The following RTF1 variants were observed in gnomAD, a reference collection of about 807,000 sequenced individuals.
RTF1 encodes the protein RNA polymerase-associated protein RTF1 homolog.
In RTF1, 10 loss-of-function variants were observed where a neutral mutation model predicts 95.7. That is an observed-to-expected ratio of 0.10 (90% CI 0.06 to 0.18). The LOEUF is 0.18. Ranked by LOEUF, RTF1 falls within the 10% of genes least tolerant of loss-of-function variation. The pLI, the probability that RTF1 is intolerant of heterozygous loss-of-function variation, is 1.00. For synonymous variants in RTF1, 305 were observed against 311.8 expected, an observed-to-expected ratio of 0.98 and a Z score of 0.23; for missense variants, 458 against 875.6, an observed-to-expected ratio of 0.52 and a Z score of 6.02.
chr15:41,475,626 G>T lies in RTF1; in HGVS notation c.1374+14G>T, dbSNP rs1566849742. ...TGGAAAGAAGCGGTACGTGGCTAGA[G>T]ATTACCTAGCAGTTGTTCGTGCACG... On this transcript the variant is annotated intron_variant, in intron 10 of 17. Coordinates refer to ENST00000389629, the MANE Select transcript of RTF1 (RefSeq NM_015138.5). The T allele has an allele frequency of 6.2e-7, 1 of 1,607,308 alleles. No homozygotes were observed. The highest frequency in any genetic ancestry group is 1.7e-5 in the Admixed American group (1 of 60,004).
In RTF1 at chr15:41,446,434, C is replaced by T. The variant is rs535851453; in HGVS notation, c.310-6467C>T. ...ACAAAAAATTAGCCAGGCGTGGTGGCGCACGCCTGTAGTCCCAGCTACTCA... is the reference window on the plus strand; with the variant it reads ...ACAAAAAATTAGCCAGGCGTGGTGGTGCACGCCTGTAGTCCCAGCTACTCA... On this transcript the variant is annotated intron_variant, in intron 2 of 17. Coordinates refer to ENST00000389629, the MANE Select transcript of RTF1 (RefSeq NM_015138.5). Among the ~76,000 whole-genome samples the T allele has an allele frequency of 9.2e-5, 14 of 152,064 alleles. No homozygotes were observed. The South Asian group carries it at 2.5e-3, about 27-fold the overall frequency.
intron 14 of RTF1, 128 bp from the exon 15 acceptor site, chr15:41,478,420 A>G: frequency 1.3e-6 from 1 of 749,222 alleles, no homozygotes. Context: ...TAAAAAAAAA[A>G]AAAAAGGAAA....
intron 2 of RTF1, among the ~76,000 whole-genome samples, chr15:41,449,227 A>ATTTTTTTTTTTTTTTTTTTTTTTTTTTTT (rs34660598): frequency 9.1e-6 from 1 of 109,314 alleles, no homozygotes. Flanking sequence ...AGGCAGGTGA[A>ATTTTTTTTTTTTTTTTTTTTTTTTTTTTT]TTTTTTTTTT....
rs187350937 is a variant in RTF1, at chr15:41,434,874, G to A, written c.199-3447G>A. Among the ~76,000 whole-genome samples the A allele has an allele frequency of 4.1e-3, 618 of 151,808 alleles. 6 individuals are homozygous for A. The highest frequency in any genetic ancestry group is 0.014 in the African/African-American group (594 of 41,434). On this transcript the variant is annotated intron_variant, in intron 1 of 17. Transcript: ENST00000389629. ...GAACTCCTGACCTCGTGATCTGCCC[G>A]CCTTGGCCTCCCAAAGTTCTGGGAT...
At chr15:41,421,557 G>A (rs980634762) in intron 1 of RTF1, among the ~76,000 whole-genome samples, 1 of 151,428 alleles carries the variant, frequency 6.6e-6, no homozygotes, top group African/African-American at 2.4e-5. Flanking sequence ...CTTGAGCCTG[G>A]GAGGTTGAAG....
In RTF1 at chr15:41,482,030, A is replaced by G. The variant is rs1418353023; in HGVS notation, c.*1343A>G. ...GGGAGGCGGAGGTTGTGGTGAGCCA[A>G]GATCGTGCCACTGCACTCCAGTCTG... On this transcript the variant is annotated 3_prime_UTR_variant, in exon 18 of 18. Coordinates refer to ENST00000389629, the MANE Select transcript of RTF1 (RefSeq NM_015138.5). The G allele has an allele frequency of 6.6e-6, 1 of 152,262 alleles. No individual in the cohort carries two copies. Among genetic ancestry groups the G allele is most frequent in the Non-Finnish European group, 1.5e-5 (1 of 68,076 alleles). 9.4% of individuals were successfully genotyped at this position (152,262 alleles called of 1,614,324 possible).
chr15:41,439,031 A>C (rs910600513), intron 2 of RTF1, among the ~76,000 whole-genome samples: 58 of 65,286 alleles, frequency 8.9e-4, no homozygotes, highest in Admixed American at 6.7e-3. Context: ...TTTTTCTTTT[A>C]TTTTCTTTTT....
intron 2 of RTF1, among the ~76,000 whole-genome samples, chr15:41,446,093 G>T (rs1437528210): frequency 2.6e-5 from 4 of 152,002 alleles, no homozygotes. Context: ...CAGGAACCGT[G>T]CCCTCTCAAA....
intron 1 of RTF1, among the ~76,000 whole-genome samples, chr15:41,422,786 T>C (rs1289817718): frequency 6.6e-6 from 1 of 152,116 alleles, no homozygotes; most frequent in African/African-American, 2.4e-5. Context: ...TTCTTTTTTC[T>C]TTTTTTTGAG....
intron 1 of RTF1, among the ~76,000 whole-genome samples, chr15:41,418,280 A>G (rs1332785347): frequency 6.6e-6 from 1 of 152,240 alleles, no homozygotes; most frequent in Non-Finnish European, 1.5e-5. Context: ...TTGAGTAGAA[A>G]GAGTATTGAA....
intron 17 of RTF1, 99 bp downstream of exon 17, chr15:41,480,424 T>TG (rs2050966198): frequency 9.9e-7 from 1 of 1,013,704 alleles, no homozygotes; most frequent in Non-Finnish European, 1.6e-6. Context: ...GAAAGGGGAA[T>TG]GCTGGCTCAT....
Position 41,426,933 on chromosome 15 carries a change from C to G in RTF1, c.198+9620C>G, listed in dbSNP as rs375828438. Among the ~76,000 whole-genome samples, 3 of 148,856 alleles carry G rather than the reference C, an allele frequency of 2.0e-5. No homozygotes were observed. In the East Asian group the frequency reaches 5.9e-4, roughly 29 times the overall value. The stretch of plus-strand genomic sequence containing the variant: ...CTCGGCTCACTGCAACCTCCACCTC[C>G]CAGGTTCAAGCAATTCTCCTGCCTC... On this transcript the variant is annotated intron_variant, in intron 1 of 17. Transcript: ENST00000389629.
At chr15:41,469,980 A>G (rs890327627) in intron 6 of RTF1, among the ~76,000 whole-genome samples, 17 of 152,162 alleles carry the variant, frequency 1.1e-4, no homozygotes, top group Non-Finnish European at 2.1e-4. Context: ...CTTGAGTGCC[A>G]TAAAAGAGAA....
chr15:41,468,592 C>T (rs111421683), intron 6 of RTF1, among the ~76,000 whole-genome samples: 1,635 of 152,162 alleles, frequency 0.011, 34 homozygotes, highest in African/African-American at 0.038. Context: ...GCTGGGATTA[C>T]AGGTGTGAGC....
intron 4 of RTF1, among the ~76,000 whole-genome samples, chr15:41,458,475 G>A (rs1213559986): frequency 6.6e-6 from 1 of 152,104 alleles, no homozygotes; most frequent in East Asian, 1.9e-4. Context: ...CCGCACTACA[G>A]GCAGCATTCT....
intron 14 of RTF1, 128 bp downstream of exon 14, chr15:41,477,643 C>T (rs2050948481): frequency 1.3e-6 from 1 of 765,424 alleles, no homozygotes. Context: ...TACACACTCT[C>T]TCTGTATGTC....
chr15:41,480,910 G>A lies in RTF1; in HGVS notation c.*223G>A, dbSNP rs1022624015. 5.3e-6 allele frequency: 3 copies of A among 561,386 alleles called. No homozygotes were observed. In the African/African-American group the frequency reaches 5.6e-5, roughly 11 times the overall value. 34.8% of individuals were successfully genotyped at this position (561,386 alleles called of 1,614,324 possible). The stretch of plus-strand genomic sequence containing the variant: ...CTCCCCCAGGGCCCCACCCAGTGTG[G>A]GCCTGGGCTCTCTTGGGCTTTATCC... On this transcript the variant is annotated 3_prime_UTR_variant, in exon 18 of 18. Transcript: ENST00000389629.
At chr15:41,467,099 G>A (rs1288310339) in intron 6 of RTF1, among the ~76,000 whole-genome samples, 1 of 152,136 alleles carries the variant, frequency 6.6e-6, no homozygotes, top group African/African-American at 2.4e-5. Flanking sequence ...ACAATAATGT[G>A]AAGTAACAAA....
intron 2 of RTF1, among the ~76,000 whole-genome samples, chr15:41,442,537 A>G (rs953337809): frequency 7.2e-5 from 11 of 151,796 alleles, no homozygotes; most frequent in African/African-American, 1.7e-4. Context: ...CGTTTCTTCA[A>G]CTTTTGTGTC....
Sources: allele counts gnomAD v4.1 joint callset (sites outside exome capture counted in the v4.1 genomes callset), GRCh38; gene constraint gnomAD v4.1.1; transcripts MANE v1.5; gene names NCBI Gene and HGNC (gene_info 2026-07-23, HGNC 2026-07-21).